Variants in POR observed in about 807,000 individuals in gnomAD.
POR encodes the protein NADPH--cytochrome P450 reductase.
Under a neutral mutation model 84.0 loss-of-function variants are expected in POR, and 56 were observed. The observed-to-expected ratio is 0.67, with a 90% CI of 0.54 to 0.83. The LOEUF is 0.83. Ranked by LOEUF, POR falls within the 40% of genes least tolerant of loss-of-function variation. POR has a pLI of 0.00. For synonymous variants in POR, 414 were observed against 400.5 expected, an observed-to-expected ratio of 1.03 and a Z score of -0.40; for missense variants, 938 against 944.3, an observed-to-expected ratio of 0.99 and a Z score of 0.09.
intron 3 of POR, 45 bp from the exon 4 acceptor site, chr7:75,979,406 G>C (rs782621806): frequency 6.2e-7 from 1 of 1,601,624 alleles, no homozygotes; most frequent in Non-Finnish European, 8.5e-7. Flanking sequence ...CGGAGCCGTG[G>C]CTGAGGTCTG....
At chr7:75,961,575 C>A (rs562024503) in intron 2 of POR, among the ~76,000 whole-genome samples, 1 of 152,058 alleles carries the variant, frequency 6.6e-6, no homozygotes, top group African/African-American at 2.4e-5. Context: ...GGACCCCATA[C>A]GCCTCCAGCC....
At chr7:75,956,146 A>G (rs966764737) in intron 2 of POR, among the ~76,000 whole-genome samples, 1 of 152,138 alleles carries the variant, frequency 6.6e-6, no homozygotes, top group Non-Finnish European at 1.5e-5. Context: ...CGAAAATACA[A>G]AAACTAGCTG....
chr7:75,956,489 C>G (rs1288414204), intron 2 of POR, among the ~76,000 whole-genome samples: 1 of 152,168 alleles, frequency 6.6e-6, no homozygotes, highest in South Asian at 2.1e-4. Flanking sequence ...CTGGGCGAGA[C>G]CTTAACCTCA....
intron 1 of POR, among the ~76,000 whole-genome samples, chr7:75,948,787 C>G (rs1283693105): frequency 6.6e-6 from 1 of 152,082 alleles, no homozygotes; most frequent in Non-Finnish European, 1.5e-5. Context: ...GTGGGGTGAC[C>G]CTCTAGTCAG....
intron 2 of POR, chr7:75,967,870 G>C (rs1158075794): frequency 2.8e-6 from 1 of 359,068 alleles, no homozygotes; most frequent in Non-Finnish European, 5.6e-6. Flanking sequence ...TGGGCTCATG[G>C]GGGCAGACGC....
intron 10 of POR, 103 bp from the exon 11 acceptor site, chr7:75,984,674 T>C (rs1789296061): frequency 1.1e-5 from 11 of 1,020,058 alleles, no homozygotes; most frequent in Non-Finnish European, 1.7e-5. Flanking sequence ...CTGGGGCACC[T>C]GTTGCCGCAG....
At chr7:75,924,410 A>C (rs933463933) in intron 1 of POR, among the ~76,000 whole-genome samples, 1 of 152,206 alleles carries the variant, frequency 6.6e-6, no homozygotes, top group Non-Finnish European at 1.5e-5. Context: ...GGCCTGGCAC[A>C]GTGGCTCATG....
intron 1 of POR, among the ~76,000 whole-genome samples, chr7:75,927,196 C>G (rs1227386877): frequency 6.6e-6 from 1 of 152,062 alleles, no homozygotes; most frequent in Admixed American, 6.6e-5. Flanking sequence ...AGTGTTAAAA[C>G]ACTGTTCATT....
intron 2 of POR, among the ~76,000 whole-genome samples, chr7:75,956,370 G>GC (rs1554553748): frequency 6.6e-6 from 1 of 152,154 alleles, no homozygotes; most frequent in Admixed American, 6.5e-5. Context: ...ATTTCCTGAG[G>GC]CCCTACCTAC....
In POR at chr7:75,986,358, G is replaced by A; in HGVS notation, c.1920G>A (p.Arg640=). The change falls in exon 16 of 16, where the codon AGG becomes AGA. Residue 640 remains arginine (R), a synonymous_variant. Transcript: ENST00000461988. ...CCAGGGATGCACGGAACATGGCCAG[G>A]GATGTGCAGAACACCTTCTACGACA... The A allele has an allele frequency of 6.2e-7, 1 of 1,612,654 alleles. No individual in the cohort carries two copies. Among genetic ancestry groups the A allele is most frequent in the Non-Finnish European group, 8.5e-7 (1 of 1,179,858 alleles).
At chr7:75,921,436 A>G (rs1372402034) in intron 1 of POR, among the ~76,000 whole-genome samples, 2 of 151,686 alleles carry the variant, frequency 1.3e-5, no homozygotes, top group Admixed American at 1.3e-4. Context: ...TAATTTTTGT[A>G]TTTTTAGTAG....
intron 1 of POR, among the ~76,000 whole-genome samples, chr7:75,938,253 G>A (rs1807794161): frequency 6.6e-6 from 1 of 152,184 alleles, no homozygotes; most frequent in East Asian, 1.9e-4. Flanking sequence ...GCCATCTTCA[G>A]TGGAGAATGT....
chr7:75,942,018 A>C (rs112274825), intron 1 of POR, among the ~76,000 whole-genome samples: 2,475 of 152,234 alleles, frequency 0.016, 50 homozygotes, highest in African/African-American at 0.057. Context: ...CAGGAGTTTG[A>C]GACCAGCCTG....
intron 3 of POR, among the ~76,000 whole-genome samples, chr7:75,976,299 C>A (rs1456153341): frequency 6.6e-6 from 1 of 151,926 alleles, no homozygotes; most frequent in African/African-American, 2.4e-5. Flanking sequence ...AAAAATTAGC[C>A]GGGCGTGGTG....
rs2116587741 is a variant in POR, at chr7:75,980,361, A to C, written c.389A>C (p.Glu130Ala). The change falls in exon 5 of 16, where the codon GAG (glutamate) becomes GCG (alanine). Residue 130 changes from glutamate (E) to alanine (A), a missense_variant. Glu to Ala is a moderately radical substitution (Grantham distance 107). Transcript: ENST00000461988. ...CAGGCCGACCTGAGCAGCCTGCCAG[A>C]GATCGACAACGCCCTGGTGGTTTTC... 1 of 1,613,002 alleles carries C rather than the reference A, an allele frequency of 6.2e-7. No homozygotes were observed. Among genetic ancestry groups the C allele is most frequent in the Middle Eastern group, 1.6e-4 (1 of 6,062 alleles).
chr7:75,982,191 T>G, intron 7 of POR, 33 bp from the exon 8 acceptor site: 1 of 1,566,984 alleles, frequency 6.4e-7, no homozygotes, highest in Non-Finnish European at 8.7e-7. Context: ...CCCCTGCCGC[T>G]TCCCGGCCTC....
chr7:75,986,407 G>T lies in POR; in HGVS notation c.1969G>T (p.Glu657Ter). The T allele has an allele frequency of 6.2e-7, 1 of 1,612,594 alleles. No homozygotes were observed. The highest frequency in any genetic ancestry group is 8.5e-7 in the Non-Finnish European group (1 of 1,179,872). Reference sequence around the variant, plus strand: ...CATCGTGGCTGAGCTCGGGGCCATGGAGCACGCGCAGGCGGTGGACTACAT... The same window carrying T: ...CATCGTGGCTGAGCTCGGGGCCATGTAGCACGCGCAGGCGGTGGACTACAT... Residue 657 changes from glutamate (E) to a stop codon, truncating the protein, a stop_gained, in exon 16 of 16, where the codon GAG becomes TAG. Transcript: ENST00000461988. LOFTEE classifies it high-confidence loss of function.
intron 1 of POR, among the ~76,000 whole-genome samples, chr7:75,951,942 G>A (rs1264016839): frequency 6.6e-6 from 1 of 152,086 alleles, no homozygotes; most frequent in Non-Finnish European, 1.5e-5. Flanking sequence ...CTCCCGGACG[G>A]GGCGGCTGGC....
chr7:75,930,548 A>C (rs1554550026), intron 1 of POR, among the ~76,000 whole-genome samples: 1 of 152,192 alleles, frequency 6.6e-6, no homozygotes, highest in Non-Finnish European at 1.5e-5. Context: ...ATACTGATGG[A>C]GTCTCGCTGT....
Sources: allele counts gnomAD v4.1 joint callset (sites outside exome capture counted in the v4.1 genomes callset), GRCh38; gene constraint gnomAD v4.1.1; transcripts MANE v1.5; gene names NCBI Gene and HGNC (gene_info 2026-07-23, HGNC 2026-07-21).